Variants in RRP15 observed in about 807,000 individuals in gnomAD.
The protein encoded by RRP15 is ribosomal RNA processing 15 homolog.
RRP15 carries 18 observed loss-of-function variants against 27.1 expected under a neutral mutation model. The ratio of observed to expected loss-of-function variants is 0.66; its 90% CI spans 0.46 to 0.98. The LOEUF (loss-of-function observed/expected upper bound fraction) is 0.98, where lower values mean the gene tolerates loss of function less well. Among genes scored for constraint, RRP15 ranks in the 50% least tolerant of loss-of-function variants. RRP15 has a pLI of 0.00. For synonymous variants in RRP15, 107 were observed against 109.4 expected (o/e 0.98, Z 0.14); for missense variants, 359 against 337.8 (o/e 1.06, Z -0.49).
In RRP15 at chr1:218,331,124, A is replaced by T; in HGVS notation, c.*33A>T. 4 of 1,561,758 alleles carry T rather than the reference A, an allele frequency of 2.6e-6. No individual in the cohort carries two copies. The highest frequency in any genetic ancestry group is 2.3e-5 in the East Asian group (1 of 42,934). On this transcript the variant is annotated 3_prime_UTR_variant, in exon 5 of 5. Coordinates refer to ENST00000366932, the MANE Select transcript of RRP15 (RefSeq NM_016052.4). ...TAGGAAATACAATTGCAGTCGTTTT[A>T]TTTTTTCTAGAAAAATATGTCATCC...
chr1:218,302,212 C>T, intron 1 of RRP15, 82 bp from the exon 2 acceptor site: 1 of 1,044,160 alleles, frequency 9.6e-7, no homozygotes, highest in Non-Finnish European at 1.4e-6. Context: ...ACAGGCAGAG[C>T]TCCAGGAAGG....
At chr1:218,293,915 A>T (rs1048242302) in intron 1 of RRP15, among the ~76,000 whole-genome samples, 1 of 152,124 alleles carries the variant, frequency 6.6e-6, no homozygotes, top group Admixed American at 6.5e-5. Context: ...TTCTCTTAAC[A>T]TGATTTTTTT....
intron 2 of RRP15, among the ~76,000 whole-genome samples, chr1:218,304,679 T>C (rs528441633): frequency 3.5e-4 from 53 of 152,354 alleles, no homozygotes; most frequent in Admixed American, 7.2e-4. Context: ...AGAGGGTAGT[T>C]TGGAATTCTT....
At chr1:218,294,226 C>T (rs1270230232) in intron 1 of RRP15, among the ~76,000 whole-genome samples, 2 of 152,058 alleles carry the variant, frequency 1.3e-5, no homozygotes, top group African/African-American at 2.4e-5. Context: ...ATTCTCACAC[C>T]CTAAGCAAGT....
chr1:218,334,874 C>G lies in RRP15; in HGVS notation c.*3783C>G, dbSNP rs1656426101. 6.6e-6 allele frequency: 1 copy of G among 152,178 alleles called. No homozygotes were observed. Among genetic ancestry groups the G allele is most frequent in the African/African-American group, 2.4e-5 (1 of 41,446 alleles). 9.4% of individuals were successfully genotyped at this position (152,178 alleles called of 1,614,324 possible). On this transcript the variant is annotated 3_prime_UTR_variant, in exon 5 of 5. Coordinates refer to ENST00000366932, the MANE Select transcript of RRP15 (RefSeq NM_016052.4). ...AGAAAACAGGAGTCTGAATTTTGGC[C>G]AGCTGGGTATTTGAATCTTACTGAC... is the stretch of plus-strand genomic sequence containing the variant.
At chr1:218,327,927 G>A (rs1656300595) in intron 4 of RRP15, among the ~76,000 whole-genome samples, 1 of 152,162 alleles carries the variant, frequency 6.6e-6, no homozygotes, top group Admixed American at 6.5e-5. Context: ...TTTATGTAAA[G>A]CAAATAAATA....
At chr1:218,328,642 G>A (rs908880974) in intron 4 of RRP15, among the ~76,000 whole-genome samples, 4 of 151,846 alleles carry the variant, frequency 2.6e-5, no homozygotes, top group East Asian at 3.9e-4. Flanking sequence ...CAGCCTGGGC[G>A]ACAGAGCGAG....
chr1:218,303,695 A>C (rs888683036), intron 2 of RRP15, among the ~76,000 whole-genome samples: 8 of 152,202 alleles, frequency 5.3e-5, no homozygotes, highest in African/African-American at 1.9e-4. Context: ...ACTCTGCTCT[A>C]GGCCAAAGCT....
At chr1:218,291,746 A>T (rs997765648) in intron 1 of RRP15, among the ~76,000 whole-genome samples, 13 of 152,050 alleles carry the variant, frequency 8.5e-5, no homozygotes, top group African/African-American at 2.9e-4. Context: ...TGGCCAGGAT[A>T]GTCTGGATCT....
intron 4 of RRP15, 121 bp downstream of exon 4, chr1:218,307,753 T>C (rs1558206594): frequency 1.4e-6 from 1 of 699,088 alleles, no homozygotes; most frequent in Admixed American, 2.9e-5. Context: ...TTTATTAAAA[T>C]TCCTCCATGC....
intron 4 of RRP15, among the ~76,000 whole-genome samples, chr1:218,313,314 G>A (rs1295420181): frequency 2.6e-5 from 4 of 152,112 alleles, no homozygotes; most frequent in Non-Finnish European, 4.4e-5. Context: ...ATTGGGTTGG[G>A]GTGAAGGGAA....
chr1:218,314,438 A>G (rs903815745), intron 4 of RRP15, among the ~76,000 whole-genome samples: 34 of 152,214 alleles, frequency 2.2e-4, no homozygotes, highest in African/African-American at 6.0e-4. Flanking sequence ...CTAAAATTCA[A>G]TCAGATTTCT....
intron 3 of RRP15, among the ~76,000 whole-genome samples, chr1:218,306,937 A>G (rs1047469817): frequency 2.0e-5 from 3 of 152,238 alleles, no homozygotes; most frequent in African/African-American, 7.2e-5. Flanking sequence ...CTCACTAGCC[A>G]CATGTGGCTT....
At position 218,316,170 on chromosome 1, in the gene RRP15, T is replaced by C. The variant is rs563988885; in HGVS notation, c.705+8538T>C. 4.2e-3 allele frequency among the ~76,000 whole-genome samples: 646 copies of C among 152,340 alleles called. 1 individual carries two copies. The highest frequency in any genetic ancestry group is 6.7e-3 in the Non-Finnish European group (455 of 68,032). The stretch of plus-strand genomic sequence containing the variant: ...ATGGCACATGCAGCATTTTGACTTA[T>C]GGAAAATATGGATATTAGTGAAGAA... On this transcript the variant is annotated intron_variant, in intron 4 of 4. Transcript: ENST00000366932.
intron 1 of RRP15, among the ~76,000 whole-genome samples, chr1:218,299,195 T>C (rs1331892545): frequency 6.6e-6 from 1 of 152,204 alleles, no homozygotes; most frequent in African/African-American, 2.4e-5. Context: ...ATTTTTAATT[T>C]GTTCATATTA....
In RRP15 at chr1:218,333,113, G is replaced by A. The variant is rs1031919911; in HGVS notation, c.*2022G>A. 20 of 152,022 alleles carry A rather than the reference G, an allele frequency of 1.3e-4. No individual in the cohort carries two copies. Among genetic ancestry groups the A allele is most frequent in the Admixed American group, 9.2e-4 (14 of 15,282 alleles). 9.4% of individuals were successfully genotyped at this position (152,022 alleles called of 1,614,324 possible). A position where few individuals can be genotyped will look rare whatever the true frequency, so the allele number is the denominator to read the frequency against. ...AGATCTTCACATTGAAAGTAAGGAC[G>A]AGAATATTTGCAGATTTCCTTCGTT... On this transcript the variant is annotated 3_prime_UTR_variant, in exon 5 of 5. Coordinates refer to ENST00000366932, the MANE Select transcript of RRP15 (RefSeq NM_016052.4).
rs1203421759 is a variant in RRP15, at chr1:218,337,236, T to A, written c.*6145T>A. 1 of 152,166 alleles carries A rather than the reference T, an allele frequency of 6.6e-6. No homozygotes were observed. Among genetic ancestry groups the A allele is most frequent in the Admixed American group, 6.5e-5 (1 of 15,272 alleles). The allele number at this position is 152,166 out of a possible 1,614,324, so 9.4% of individuals were successfully genotyped here. A position where few individuals can be genotyped will look rare whatever the true frequency, so the allele number is the denominator to read the frequency against. On this transcript the variant is annotated 3_prime_UTR_variant, in exon 5 of 5. Coordinates refer to ENST00000366932, the MANE Select transcript of RRP15 (RefSeq NM_016052.4). ...CCTATAGGTTTCCATTCATTTCTCATCTATGTAATTCTGAGTCTTCCTTTT... is the reference window on the plus strand; with the variant it reads ...CCTATAGGTTTCCATTCATTTCTCAACTATGTAATTCTGAGTCTTCCTTTT...
chr1:218,298,015 A>G (rs115071631), intron 1 of RRP15, among the ~76,000 whole-genome samples: 1,602 of 152,270 alleles, frequency 0.011, 29 homozygotes, highest in African/African-American at 0.037. Flanking sequence ...GTCATTTTAT[A>G]AATATTTCAT....
At chr1:218,322,600 C>T (rs570451953) in intron 4 of RRP15, among the ~76,000 whole-genome samples, 6 of 151,106 alleles carry the variant, frequency 4.0e-5, no homozygotes, top group African/African-American at 1.5e-4. Context: ...TTGCCATAAA[C>T]GTTTATTATA....
Sources: allele counts gnomAD v4.1 joint callset (sites outside exome capture counted in the v4.1 genomes callset), GRCh38; gene constraint gnomAD v4.1.1; transcripts MANE v1.5; gene names NCBI Gene and HGNC (gene_info 2026-07-23, HGNC 2026-07-21).